SPPL3: variants seen among roughly 807,000 people sequenced by gnomAD.
SPPL3 encodes signal peptide peptidase-like 3.
SPPL3 carries 5 observed loss-of-function variants against 42.4 expected under a neutral mutation model. The ratio of observed to expected loss-of-function variants is 0.12; its 90% CI spans 0.06 to 0.25. The LOEUF (loss-of-function observed/expected upper bound fraction) is 0.25, where lower values mean the gene tolerates loss of function less well. Among genes scored for constraint, SPPL3 ranks in the 10% least tolerant of loss-of-function variants. The probability of loss-of-function intolerance (pLI) is 1.00; values close to 1 mark genes in which losing one functional copy is unlikely to be tolerated. For missense variants in SPPL3, 235 were observed against 489.0 expected, an observed-to-expected ratio of 0.48 and a Z score of 4.90; for synonymous variants, 195 against 181.8, an observed-to-expected ratio of 1.07 and a Z score of -0.58.
intron 1 of SPPL3, among the ~76,000 whole-genome samples, chr12:120,896,407 C>G (rs1045687300): frequency 1.3e-5 from 2 of 152,132 alleles, no homozygotes; most frequent in African/African-American, 2.4e-5. Flanking sequence ...CTCTGAGCAC[C>G]TCAGACGTTA....
At chr12:120,797,108 A>C (rs1870124386) in intron 2 of SPPL3, among the ~76,000 whole-genome samples, 1 of 152,198 alleles carries the variant, frequency 6.6e-6, no homozygotes, top group Admixed American at 6.5e-5. Context: ...TGGAGGTGGC[A>C]GTGAGCCGAG....
chr12:120,881,757 G>A (rs2137058186), intron 1 of SPPL3, among the ~76,000 whole-genome samples: 1 of 150,430 alleles, frequency 6.6e-6, no homozygotes, highest in East Asian at 2.0e-4. Flanking sequence ...GCTAAATATA[G>A]ATGAAGCTCG....
chr12:120,865,237 T>C (rs1872723762), intron 1 of SPPL3, among the ~76,000 whole-genome samples: 1 of 152,186 alleles, frequency 6.6e-6, no homozygotes, highest in African/African-American at 2.4e-5. Flanking sequence ...CACATGAAAA[T>C]GCCACTGTTT....
chr12:120,849,877 C>A (rs146760785), intron 1 of SPPL3, among the ~76,000 whole-genome samples: 6 of 152,256 alleles, frequency 3.9e-5, no homozygotes, highest in African/African-American at 9.6e-5. Flanking sequence ...ATAATTCTAG[C>A]GTGAAGTATT....
chr12:120,853,683 A>C lies in SPPL3; in HGVS notation c.24-42797T>G, dbSNP rs190898680. Among the ~76,000 whole-genome samples the C allele has an allele frequency of 2.6e-4, 39 of 152,274 alleles. No homozygotes were observed. The East Asian group carries it at 3.9e-3, about 15-fold the overall frequency. On this transcript the variant is annotated intron_variant, in intron 1 of 10. Transcript: ENST00000353487. ...CAAATCACCTGGAGGACTTGTTAAA[A>C]CACAGATCGCTGTACCTACCCCAGA...
At chr12:120,831,690 A>C (rs1169415191) in intron 1 of SPPL3, among the ~76,000 whole-genome samples, 1 of 152,122 alleles carries the variant, frequency 6.6e-6, no homozygotes, top group Non-Finnish European at 1.5e-5. Context: ...CTCTTCTCCC[A>C]TCTCTTTAAG....
intron 1 of SPPL3, among the ~76,000 whole-genome samples, chr12:120,825,465 T>C (rs934520891): frequency 2.0e-5 from 3 of 151,782 alleles, no homozygotes; most frequent in African/African-American, 7.3e-5. Flanking sequence ...AGAGTGGAGG[T>C]GAGAAAACAA....
intron 1 of SPPL3, among the ~76,000 whole-genome samples, chr12:120,834,702 G>A (rs1871548249): frequency 6.6e-6 from 1 of 152,066 alleles, no homozygotes; most frequent in Non-Finnish European, 1.5e-5. Context: ...GTAAATGAAG[G>A]TCCTATACTA....
intron 6 of SPPL3, among the ~76,000 whole-genome samples, chr12:120,775,133 A>G (rs1311070629): frequency 6.6e-6 from 1 of 152,020 alleles, no homozygotes; most frequent in East Asian, 1.9e-4. Flanking sequence ...GAGTCAGCGC[A>G]CCAAGAGTGT....
chr12:120,772,154 C>T (rs634850), intron 6 of SPPL3, among the ~76,000 whole-genome samples: 108,341 of 152,034 alleles, frequency 0.71, 40,018 homozygotes, highest in African/African-American at 0.9. Context: ...CCCGAGTAGC[C>T]GGGATTACAG....
chr12:120,891,319 G>C (rs1003548316), intron 1 of SPPL3, among the ~76,000 whole-genome samples: 3 of 152,006 alleles, frequency 2.0e-5, no homozygotes, highest in African/African-American at 7.3e-5. Context: ...CCAAATGTCT[G>C]GTTTATGCCT....
At chr12:120,900,415 C>T (rs1349777334) in intron 1 of SPPL3, among the ~76,000 whole-genome samples, 3 of 151,734 alleles carry the variant, frequency 2.0e-5, no homozygotes, top group Non-Finnish European at 2.9e-5. Context: ...TCAAGACCAG[C>T]ACCGGCAACA....
chr12:120,777,659 CG>C (rs1285539016), intron 6 of SPPL3, among the ~76,000 whole-genome samples: 1 of 152,156 alleles, frequency 6.6e-6, no homozygotes, highest in Non-Finnish European at 1.5e-5. Context: ...CATCAACTTC[CG>C]GAAGCACTGA....
At chr12:120,898,010 G>A (rs951036584) in intron 1 of SPPL3, among the ~76,000 whole-genome samples, 1 of 151,944 alleles carries the variant, frequency 6.6e-6, no homozygotes, top group Non-Finnish European at 1.5e-5. Context: ...AGATTAGAAA[G>A]CCTTAAAATG....
chr12:120,845,005 T>C, intron 1 of SPPL3: 1 of 227,474 alleles, frequency 4.4e-6, no homozygotes. Context: ...TGATGCACAC[T>C]GTGACCGAAC....
chr12:120,896,792 A>G (rs545391541), intron 1 of SPPL3, among the ~76,000 whole-genome samples: 1 of 152,246 alleles, frequency 6.6e-6, no homozygotes, highest in African/African-American at 2.4e-5. Flanking sequence ...AAAAAAAAAG[A>G]AAGTGAAAGT....
At chr12:120,777,871 G>A (rs1460231433) in intron 6 of SPPL3, among the ~76,000 whole-genome samples, 1 of 152,124 alleles carries the variant, frequency 6.6e-6, no homozygotes, top group African/African-American at 2.4e-5. Flanking sequence ...AATCAGCAAA[G>A]GTGAATTACT....
Position 120,766,219 on chromosome 12 carries a change from A to C in SPPL3, c.1083+44T>G, listed in dbSNP as rs1264122116. 6 of 1,499,598 alleles carry C rather than the reference A, an allele frequency of 4.0e-6. No homozygotes were observed. The East Asian group carries it at 1.5e-4, about 37-fold the overall frequency. The allele number at this position is 1,499,598 out of a possible 1,614,324, so 92.9% of individuals were successfully genotyped here. A position where few individuals can be genotyped will look rare whatever the true frequency, so the allele number is the denominator to read the frequency against. On this transcript the variant is annotated intron_variant, in intron 10 of 10. Coordinates refer to ENST00000353487, the MANE Select transcript of SPPL3 (RefSeq NM_139015.5). ...GAGAGTGCAAACCGAGGCACAGGCCAATCCAAGTTATTGCTTTCACAGGTT... is the reference window on the plus strand; with the variant it reads ...GAGAGTGCAAACCGAGGCACAGGCCCATCCAAGTTATTGCTTTCACAGGTT...
At chr12:120,794,191 GTCTTATATTAA>G (rs1870020638) in intron 2 of SPPL3, among the ~76,000 whole-genome samples, 1 of 152,012 alleles carries the variant, frequency 6.6e-6, no homozygotes, top group Admixed American at 6.6e-5. Context: ...AAGCTGCTTT[GTCTTATATTAA>G]TACAGCCATT....
Sources: gnomAD v4.1 joint callset for allele counts (sites outside exome capture counted in the v4.1 genomes callset) on GRCh38, gnomAD v4.1.1 for gene constraint, MANE v1.5 for transcripts, NCBI Gene and HGNC (gene_info 2026-07-23, HGNC 2026-07-21) for gene names.